The following CDH13 variants were observed in gnomAD, a reference collection of about 807,000 sequenced individuals.
The protein encoded by CDH13 is cadherin-13.
Under a neutral mutation model 63.8 loss-of-function variants are expected in CDH13, and 24 were observed. That is an observed-to-expected ratio of 0.38 (90% CI 0.27 to 0.53). The LOEUF (loss-of-function observed/expected upper bound fraction) is 0.53. CDH13 is among the 20% of genes least tolerant of loss of function. CDH13 has a pLI of 0.85. For missense variants in CDH13, 1,049 were observed against 903.1 expected (o/e 1.16, Z -2.07); for synonymous variants, 503 against 355.3 (o/e 1.42, Z -4.67).
chr16:83,356,573 A>G (rs1389008009), intron 6 of CDH13, among the ~76,000 whole-genome samples: 1 of 152,202 alleles, frequency 6.6e-6, no homozygotes, highest in African/African-American at 2.4e-5. Flanking sequence ...AACGCAGTCT[A>G]GAGCTGCTGC....
chr16:83,523,352 A>G (rs1419168764), intron 7 of CDH13, among the ~76,000 whole-genome samples: 1 of 152,228 alleles, frequency 6.6e-6, no homozygotes, highest in African/African-American at 2.4e-5. Context: ...TCTTGGTTGA[A>G]CATGATTTCC....
chr16:83,379,938 T>TATATATATATATAGAGAGAGAG, intron 6 of CDH13, among the ~76,000 whole-genome samples: 224 of 123,434 alleles, frequency 1.8e-3, no homozygotes, highest in Non-Finnish European at 2.7e-3. Context: ...TATATATATA[T>TATATATATATATAGAGAGAGAG]AGAGAGAGAG....
chr16:83,013,267 A>G (rs1914343162), intron 2 of CDH13, among the ~76,000 whole-genome samples: 1 of 152,216 alleles, frequency 6.6e-6, no homozygotes, highest in Non-Finnish European at 1.5e-5. Context: ...TTTATTTACA[A>G]AAACAGTAGT....
At chr16:83,527,583 C>A (rs1179992366) in intron 7 of CDH13, among the ~76,000 whole-genome samples, 1 of 152,190 alleles carries the variant, frequency 6.6e-6, no homozygotes, top group Non-Finnish European at 1.5e-5. Flanking sequence ...GCAACTACAT[C>A]CGTTTGATGG....
intron 3 of CDH13, among the ~76,000 whole-genome samples, chr16:83,115,616 A>G (rs1323716993): frequency 6.6e-6 from 1 of 152,234 alleles, no homozygotes; most frequent in East Asian, 1.9e-4. Context: ...AAGACTGTCC[A>G]TAATTGGGCT....
At chr16:83,709,236 CA>C (rs777676314) in intron 10 of CDH13, among the ~76,000 whole-genome samples, 1 of 152,086 alleles carries the variant, frequency 6.6e-6, no homozygotes, top group Non-Finnish European at 1.5e-5. Flanking sequence ...ACAGCCCTGC[CA>C]ACATCTTAAT....
chr16:83,424,047 G>C (rs1026329195), intron 6 of CDH13, among the ~76,000 whole-genome samples: 2 of 151,890 alleles, frequency 1.3e-5, no homozygotes, highest in African/African-American at 4.8e-5. Flanking sequence ...AATCCAACAC[G>C]TACTGAACAG....
intron 1 of CDH13, among the ~76,000 whole-genome samples, chr16:82,724,701 G>T (rs1203911021): frequency 6.6e-6 from 1 of 152,190 alleles, no homozygotes; most frequent in African/African-American, 2.4e-5. Context: ...CAATTGGAAA[G>T]GTGCTGTGCA....
chr16:83,319,914 G>T (rs899235723), intron 5 of CDH13, among the ~76,000 whole-genome samples: 2 of 152,192 alleles, frequency 1.3e-5, no homozygotes, highest in African/African-American at 4.8e-5. Flanking sequence ...TAAATGAAAT[G>T]ATTAATACAG....
chr16:82,653,168 T>G (rs8061983), intron 1 of CDH13, among the ~76,000 whole-genome samples: 1 of 152,056 alleles, frequency 6.6e-6, no homozygotes, highest in Admixed American at 6.5e-5. Flanking sequence ...TTTTTCCAAG[T>G]GTCTGTGAAG....
At chr16:83,472,517 G>A (rs995433474) in intron 6 of CDH13, among the ~76,000 whole-genome samples, 8 of 152,182 alleles carry the variant, frequency 5.3e-5, no homozygotes, top group Non-Finnish European at 1.0e-4. Flanking sequence ...TCAGGGCACC[G>A]CCGCTCAGGG....
chr16:83,094,362 G>A (rs891591952), intron 3 of CDH13, among the ~76,000 whole-genome samples: 5 of 152,162 alleles, frequency 3.3e-5, no homozygotes, highest in African/African-American at 1.2e-4. Context: ...TTATTTTCAC[G>A]CCTGAAAGAT....
chr16:82,889,777 G>T (rs1420302949), intron 2 of CDH13, among the ~76,000 whole-genome samples: 1 of 152,176 alleles, frequency 6.6e-6, no homozygotes, highest in Non-Finnish European at 1.5e-5. Context: ...AGTTCCATTT[G>T]AAAGTCCATT....
At chr16:83,564,733 A>C (rs1313749789) in intron 7 of CDH13, among the ~76,000 whole-genome samples, 2 of 152,178 alleles carry the variant, frequency 1.3e-5, no homozygotes, top group East Asian at 1.9e-4. Flanking sequence ...ACCAAGTGAC[A>C]AAAAGGTAAG....
At chr16:82,855,814 C>T (rs1244139774) in intron 1 of CDH13, among the ~76,000 whole-genome samples, 1 of 152,168 alleles carries the variant, frequency 6.6e-6, no homozygotes, top group East Asian at 1.9e-4. Flanking sequence ...CACGGTGAAC[C>T]TCCTGAGATT....
At chr16:82,893,138 C>G (rs1413848860) in intron 2 of CDH13, among the ~76,000 whole-genome samples, 3 of 152,180 alleles carry the variant, frequency 2.0e-5, no homozygotes, top group Non-Finnish European at 2.9e-5. Context: ...AGAATGAAAG[C>G]AAACAAACAA....
Position 82,965,351 on chromosome 16 carries a change from G to T in CDH13, c.158-66659G>T, listed in dbSNP as rs570725474. 2.3e-4 allele frequency among the ~76,000 whole-genome samples: 35 copies of T among 152,310 alleles called. 1 individual carries two copies. Among genetic ancestry groups the T allele is most frequent in the African/African-American group, 8.4e-4 (35 of 41,564 alleles). On this transcript the variant is annotated intron_variant, in intron 2 of 13. Transcript: ENST00000567109. ...GAGCCCCTATGGAGGAGACAAAGATGCAAAATTTTTAGTTTGGTTTTATTC... is the reference window on the plus strand; with the variant it reads ...GAGCCCCTATGGAGGAGACAAAGATTCAAAATTTTTAGTTTGGTTTTATTC...
intron 6 of CDH13, among the ~76,000 whole-genome samples, chr16:83,466,645 T>TG (rs1047964988): frequency 2.0e-5 from 3 of 151,912 alleles, no homozygotes; most frequent in East Asian, 3.9e-4. Flanking sequence ...TGAAACGGAG[T>TG]GGGGGGCTCA....
intron 3 of CDH13, among the ~76,000 whole-genome samples, chr16:83,112,898 G>A (rs1597359348): frequency 1.3e-5 from 2 of 152,150 alleles, no homozygotes; most frequent in South Asian, 4.1e-4. Context: ...TATTTGAGGA[G>A]GAACTTTAAG....
Sources: allele counts gnomAD v4.1 joint callset (sites outside exome capture counted in the v4.1 genomes callset), GRCh38; gene constraint gnomAD v4.1.1; transcripts MANE v1.5; gene names NCBI Gene and HGNC (gene_info 2026-07-23, HGNC 2026-07-21).